SIDT1: variants seen among roughly 807,000 people sequenced by gnomAD.
SIDT1 encodes SID1 transmembrane family member 1, also known as SID1 transmembrane family, member 1.
Under a neutral mutation model 107.5 loss-of-function variants are expected in SIDT1, and 101 were observed. The ratio of observed to expected loss-of-function variants is 0.94; its 90% confidence interval spans 0.80 to 1.11. The LOEUF (loss-of-function observed/expected upper bound fraction) is 1.11. SIDT1 is among the 50% of genes least tolerant of loss of function. The probability of loss-of-function intolerance (pLI) is 0.00; values close to 1 mark genes in which losing one functional copy is unlikely to be tolerated. For missense variants in SIDT1, 1,076 were observed against 1,058.2 expected, an observed-to-expected ratio of 1.02 and a Z score of -0.23; for synonymous variants, 395 against 398.2, an observed-to-expected ratio of 0.99 and a Z score of 0.10.
intron 3 of SIDT1, among the ~76,000 whole-genome samples, chr3:113,568,183 GT>G: frequency 8.7e-6 from 1 of 114,510 alleles, no homozygotes; most frequent in South Asian, 3.0e-4. Flanking sequence ...TTTTCCCCCT[GT>G]TTTTAAAAAA....
At position 113,626,159 on chromosome 3, in the gene SIDT1, G is replaced by A. The variant is rs376955023; in HGVS notation, c.2365G>A (p.Asp789Asn). ...CGAGTGCATTCTGCTGGATTTCTTC[G>A]ATGACCATGACATCTGGCACTTCCT... is the stretch of plus-strand genomic sequence containing the variant. ...NRECILLDFFDDHDIWHFLSA... is the reference protein window; with the variant it reads ...NRECILLDFFNDHDIWHFLSA... The change falls in exon 24 of 25, where the codon GAT (aspartate) becomes AAT (asparagine). Residue 789 changes from aspartate (D) to asparagine (N), a missense_variant. Physicochemically the swap from Asp to Asn is conservative, Grantham distance 23. Coordinates refer to ENST00000264852, the MANE Select transcript of SIDT1 (RefSeq NM_017699.3). 80 of 1,613,956 alleles carry A rather than the reference G, an allele frequency of 5.0e-5. 1 individual carries two copies. Among genetic ancestry groups the A allele is most frequent in the Non-Finnish European group, 1.9e-5 (22 of 1,179,998 alleles).
rs746632664 is a variant in SIDT1 at position 113,603,010 on chromosome 3, T to C, written c.1123T>C (p.Ser375Pro). ...EGSNYGTIDE[S>P]SSSPGRQMSS... ...ATGAGTTGTCTCTGTTTCAGATGAG[T>C]CAAGCTCCAGTCCTGGAAGGCAGAT... Residue 375 changes from serine to proline, a missense_variant, in exon 12 of 25, where the codon TCA becomes CCA. Physicochemically the swap from Ser to Pro is moderately conservative, Grantham distance 74. Transcript: ENST00000264852. 3 of 1,613,618 alleles carry C rather than the reference T, an allele frequency of 1.9e-6. No homozygotes were observed. Among genetic ancestry groups the C allele is most frequent in the Middle Eastern group, 1.7e-4 (1 of 6,052 alleles).
intron 20 of SIDT1, among the ~76,000 whole-genome samples, chr3:113,619,245 A>C (rs1946301719): frequency 6.6e-6 from 1 of 152,228 alleles, no homozygotes; most frequent in African/African-American, 2.4e-5. Context: ...GTACAAAATT[A>C]ACTCCCTACA....
intron 9 of SIDT1, 62 bp downstream of exon 9, chr3:113,585,332 C>A: frequency 8.2e-7 from 1 of 1,221,344 alleles, no homozygotes; most frequent in South Asian, 1.2e-5. Context: ...ACGCTTGCAG[C>A]ACAGACTTGA....
intron 13 of SIDT1, among the ~76,000 whole-genome samples, chr3:113,604,497 T>C (rs1198222045): frequency 6.6e-6 from 1 of 152,176 alleles, no homozygotes; most frequent in African/African-American, 2.4e-5. Context: ...CCCTCATAAA[T>C]GATTTGGTTA....
chr3:113,568,426 C>T (rs1311560716), intron 3 of SIDT1, among the ~76,000 whole-genome samples: 1 of 151,790 alleles, frequency 6.6e-6, no homozygotes. Context: ...AACCCCATCT[C>T]TACTAAAAAT....
At chr3:113,609,185 C>T (rs1224985434) in intron 17 of SIDT1, among the ~76,000 whole-genome samples, 8 of 151,356 alleles carry the variant, frequency 5.3e-5, no homozygotes, top group Admixed American at 5.3e-4. Context: ...CCCTCAGCCT[C>T]CCCAGTAGCT....
chr3:113,591,696 GA>G (rs1944168101), intron 9 of SIDT1, among the ~76,000 whole-genome samples: 1 of 152,202 alleles, frequency 6.6e-6, no homozygotes, highest in Non-Finnish European at 1.5e-5. Context: ...CTCTGGGGAT[GA>G]AAGACTCTTC....
At chr3:113,602,906 A>T in intron 11 of SIDT1, 99 bp from the exon 12 acceptor site, 1 of 1,280,254 alleles carries the variant, frequency 7.8e-7, no homozygotes, top group Non-Finnish European at 1.1e-6. Flanking sequence ...TCAACACAGC[A>T]TTTCCTAGAA....
intron 14 of SIDT1, 113 bp downstream of exon 14, chr3:113,605,089 A>G: frequency 2.1e-6 from 2 of 937,192 alleles, no homozygotes; most frequent in Non-Finnish European, 3.1e-6. Flanking sequence ...GGAATTTCCC[A>G]TTGGGGTTCC....
chr3:113,566,503 G>A lies in SIDT1; in HGVS notation c.306G>A (p.Glu102=). The change falls in exon 2 of 25, where the codon GAG becomes GAA. Residue 102 remains glutamate (E), a synonymous_variant. Coordinates refer to ENST00000264852, the MANE Select transcript of SIDT1 (RefSeq NM_017699.3). The stretch of plus-strand genomic sequence containing the variant: ...TTGTTGTGGTTCGCCAGCAGAAAGA[G>A]GTGCTGTCCTGGCAGGTTCCTCTGC... ...PVLVVVRQQK[E]VLSWQVPLLF... 6.2e-7 allele frequency: 1 copy of A among 1,614,176 alleles called. No homozygotes were observed. Among genetic ancestry groups the A allele is most frequent in the Non-Finnish European group, 8.5e-7 (1 of 1,180,020 alleles).
chr3:113,581,429 T>C lies in SIDT1; in HGVS notation c.732T>C (p.Ala244=). ...NGVYQSMTKK[A]AITLQKKDFP... ...TCTATCAGTCCATGACCAAGAAAGCTGCCATCACGCTACAGGTGAGGCATT... is the reference window on the plus strand; with the variant it reads ...TCTATCAGTCCATGACCAAGAAAGCCGCCATCACGCTACAGGTGAGGCATT... Residue 244 remains alanine (A), a synonymous_variant, in exon 6 of 25, where the codon GCT becomes GCC. Transcript: ENST00000264852. 6.2e-7 allele frequency: 1 copy of C among 1,613,816 alleles called. No homozygotes were observed. The highest frequency in any genetic ancestry group is 1.1e-5 in the South Asian group (1 of 91,074).
chr3:113,611,163 T>C lies in SIDT1; in HGVS notation c.1857+19T>C, dbSNP rs1229014007. ...TGGAGTGGTGCGTCCCCCACCTTCT[T>C]CCACCTGGCTCTCGAAAAGTGCCCC... is the stretch of plus-strand genomic sequence containing the variant. On this transcript the variant is annotated intron_variant, in intron 18 of 24. Coordinates refer to ENST00000264852, the MANE Select transcript of SIDT1 (RefSeq NM_017699.3). The C allele has an allele frequency of 4.3e-6, 7 of 1,611,012 alleles. No homozygotes were observed. The highest frequency in any genetic ancestry group is 5.1e-6 in the Non-Finnish European group (6 of 1,178,080).
intron 23 of SIDT1, among the ~76,000 whole-genome samples, chr3:113,625,549 C>T (rs1398402949): frequency 6.6e-6 from 1 of 152,162 alleles, no homozygotes; most frequent in South Asian, 2.1e-4. Flanking sequence ...TCCACATCCT[C>T]GCCAGCATCT....
intron 18 of SIDT1, among the ~76,000 whole-genome samples, chr3:113,611,783 A>G (rs950961936): frequency 3.3e-5 from 5 of 152,274 alleles, no homozygotes; most frequent in African/African-American, 1.2e-4. Flanking sequence ...TACGCATGGG[A>G]AACACGTGTT....
Position 113,623,475 on chromosome 3 carries a change from G to T in SIDT1, c.2139G>T (p.Met713Ile). The part of the protein sequence containing the change: ...IYRPRDFASY[M>I]LGIFICNLLL... The stretch of plus-strand genomic sequence containing the variant: ...GCCCCAGGGACTTTGCTTCCTACAT[G>T]CTGGGCATCTTCATCTGTAACCTTT... Residue 713 changes from methionine (M) to isoleucine (I), a missense_variant, in exon 22 of 25, where the codon ATG becomes ATT. By Grantham distance (10) the Met-to-Ile change is conservative. Coordinates refer to ENST00000264852, the MANE Select transcript of SIDT1 (RefSeq NM_017699.3). 2.5e-6 allele frequency: 4 copies of T among 1,614,092 alleles called. No homozygotes were observed. Among genetic ancestry groups the T allele is most frequent in the Non-Finnish European group, 3.4e-6 (4 of 1,180,016 alleles).
intron 3 of SIDT1, among the ~76,000 whole-genome samples, chr3:113,572,023 A>T (rs1205045724): frequency 6.6e-6 from 1 of 152,202 alleles, no homozygotes; most frequent in Non-Finnish European, 1.5e-5. Flanking sequence ...GGATGCAGAG[A>T]AGTTAGAAGG....
chr3:113,620,154 G>A (rs186374982), intron 21 of SIDT1, among the ~76,000 whole-genome samples: 77 of 151,586 alleles, frequency 5.1e-4, no homozygotes, highest in Admixed American at 3.9e-4. Context: ...AGACTACCCA[G>A]TAGGCCTTCT....
At chr3:113,572,880 TA>T (rs1367323480) in intron 3 of SIDT1, among the ~76,000 whole-genome samples, 1 of 152,158 alleles carries the variant, frequency 6.6e-6, no homozygotes, top group African/African-American at 2.4e-5. Flanking sequence ...CTGTGAAAAG[TA>T]ATAGATTTTT....
Sources: gnomAD v4.1 joint callset for allele counts (sites outside exome capture counted in the v4.1 genomes callset) on GRCh38, gnomAD v4.1.1 for gene constraint, MANE v1.5 for transcripts, NCBI Gene and HGNC (gene_info 2026-07-23, HGNC 2026-07-21) for gene names.